The following FOXM1 variants were observed in gnomAD, a reference collection of about 807,000 sequenced individuals.
The protein encoded by FOXM1 is forkhead box protein M1.
FOXM1 carries 25 observed loss-of-function variants against 63.6 expected under a neutral mutation model. That is an observed-to-expected ratio of 0.39 (90% CI 0.29 to 0.55). FOXM1 has a LOEUF of 0.55. FOXM1 is among the 20% of genes least tolerant of loss of function. The probability of loss-of-function intolerance (pLI) is 0.60; values close to 1 mark genes in which losing one functional copy is unlikely to be tolerated. For synonymous variants in FOXM1, 387 were observed against 376.9 expected (o/e 1.03, Z -0.31); for missense variants, 879 against 958.7 (o/e 0.92, Z 1.10).
chr12:2,875,825 A>C (rs1018356546), intron 1 of FOXM1, among the ~76,000 whole-genome samples: 1 of 150,398 alleles, frequency 6.6e-6, no homozygotes, highest in African/African-American at 2.5e-5. Flanking sequence ...CAATGGCGCA[A>C]TCTCAGCTCA....
At chr12:2,862,199 G>C (rs1019178135) in intron 8 of FOXM1, among the ~76,000 whole-genome samples, 1 of 143,930 alleles carries the variant, frequency 6.9e-6, no homozygotes, top group Non-Finnish European at 1.5e-5. Context: ...AAAAAAAAAA[G>C]AGACATGTAG....
In FOXM1 at chr12:2,877,120, G is replaced by A. The variant is rs895958092; in HGVS notation, c.-248C>T. 1.3e-5 allele frequency: 2 copies of A among 152,150 alleles called. No individual in the cohort carries two copies. The highest frequency in any genetic ancestry group is 1.3e-4 in the Admixed American group (2 of 15,284). The allele number at this position is 152,150 out of a possible 1,614,324, so 9.4% of individuals were successfully genotyped here. ...CGGGCCGGGGCCGGGGGTGGGGTCT[G>A]GCACCGGAGCTTTCAGTTTGTTCCG... On this transcript the variant is annotated 5_prime_UTR_variant, in exon 1 of 9. Coordinates refer to ENST00000359843, the MANE Select transcript of FOXM1 (RefSeq NM_021953.4).
intron 8 of FOXM1, among the ~76,000 whole-genome samples, chr12:2,863,257 A>C (rs1186332633): frequency 6.6e-6 from 1 of 152,164 alleles, no homozygotes; most frequent in African/African-American, 2.4e-5. Flanking sequence ...GTCAACGTGA[A>C]TAGTACTTGA....
chr12:2,858,620 AGGGGCAAG>A lies in FOXM1; in HGVS notation c.*10_*17del. The A allele has an allele frequency of 6.2e-7, 1 of 1,605,176 alleles. No individual in the cohort carries two copies. The highest frequency in any genetic ancestry group is 2.2e-5 in the East Asian group (1 of 44,778). On this transcript the variant is annotated 3_prime_UTR_variant, in exon 9 of 9. Coordinates refer to ENST00000359843, the MANE Select transcript of FOXM1 (RefSeq NM_021953.4). ...CCGGGATGGTGGACAGCTTGAGCACAGGGGCAAGGGCAGGGCTCTACTGTAGCTCAGGA... is the reference window on the plus strand; with the variant it reads ...CCGGGATGGTGGACAGCTTGAGCACAGGCAGGGCTCTACTGTAGCTCAGGA...
rs754379620 is a variant in FOXM1 at position 2,858,960 on chromosome 12, A to C, written c.1970T>G (p.Met657Arg). The change falls in exon 9 of 9, where the codon ATG becomes AGG. Residue 657 changes from methionine (M) to arginine (R), a missense_variant. Met to Arg is a moderately conservative substitution (Grantham distance 91, BLOSUM62 -1). Transcript: ENST00000359843. ...TTGCAAGGGAGTGGTGCTGAGATCC[A>C]TCAGCCCCAGGGGGTCAGGCAAGGG... ...SDPLPDPLGLMDLSTTPLQSA... is the reference protein window; with the variant it reads ...SDPLPDPLGLRDLSTTPLQSA... The C allele has an allele frequency of 6.8e-6, 11 of 1,613,422 alleles. No individual in the cohort carries two copies. The highest frequency in any genetic ancestry group is 1.3e-5 in the African/African-American group (1 of 74,884).
Position 2,864,842 on chromosome 12 carries a change from G to T in FOXM1, c.1021-90C>A. On this transcript the variant is annotated intron_variant, in intron 6 of 8. Transcript: ENST00000359843. This position sits in a 1 kb window ranked among gnomAD's most constrained non-coding sequence, Gnocchi z 5.1. ...CAAAACCCCACCAGCTGCTCTGGTG[G>T]TGTGTGCTTGAGTTAATGACAGCCC... 1 of 1,412,062 alleles carries T rather than the reference G, an allele frequency of 7.1e-7. No homozygotes were observed. The highest frequency in any genetic ancestry group is 1.0e-6 in the Non-Finnish European group (1 of 998,252). 87.5% of individuals were successfully genotyped at this position (1,412,062 alleles called of 1,614,324 possible). A position where few individuals can be genotyped will look rare whatever the true frequency, so the allele number is the denominator to read the frequency against.
chr12:2,870,091 A>G lies in FOXM1; in HGVS notation c.655-1337T>C, dbSNP rs180920430. On this transcript the variant is annotated intron_variant, in intron 3 of 8. Transcript: ENST00000359843. ...CCGCAAGCTCTGCCTCCTGGGTTCAAGTGATTCTCCTGCCTCAGCCTCCCG... is the reference window on the plus strand; with the variant it reads ...CCGCAAGCTCTGCCTCCTGGGTTCAGGTGATTCTCCTGCCTCAGCCTCCCG... 2.6e-5 allele frequency among the ~76,000 whole-genome samples: 4 copies of G among 151,742 alleles called. No individual in the cohort carries two copies. The East Asian group carries it at 7.8e-4, about 30-fold the overall frequency.
chr12:2,869,193 T>G (rs1312085902), intron 3 of FOXM1, among the ~76,000 whole-genome samples: 1 of 152,208 alleles, frequency 6.6e-6, no homozygotes, highest in African/African-American at 2.4e-5. Context: ...GAGAGAAACA[T>G]TCTCAAGACT....
intron 4 of FOXM1, among the ~76,000 whole-genome samples, chr12:2,867,437 T>C (rs573722261): frequency 6.6e-6 from 1 of 152,008 alleles, no homozygotes; most frequent in Non-Finnish European, 1.5e-5. Flanking sequence ...TGAGACCCTG[T>C]CTCAAAAAAC....
At position 2,869,083 on chromosome 12, in the gene FOXM1, C is replaced by T. The variant is rs28990700; in HGVS notation, c.655-329G>A. Among the ~76,000 whole-genome samples the T allele has an allele frequency of 6.0e-3, 916 of 152,248 alleles. 4 individuals are homozygous for T. The highest frequency in any genetic ancestry group is 0.024 in the Middle Eastern group (7 of 294). On this transcript the variant is annotated intron_variant, in intron 3 of 8. Transcript: ENST00000359843. ...AAGCATTGATGTTACACTAAAACCA[C>T]GCCCGTTTTTCAGACTTTTGGGTCT...
rs141301985 is a variant in FOXM1, at chr12:2,874,463, G to C, written c.16C>G (p.Arg6Gly). Residue 6 changes from arginine (R) to glycine (G), a missense_variant, in exon 2 of 9, where the codon CGT becomes GGT. By Grantham distance (125) the Arg-to-Gly change is moderately radical. This residue lies in a region of FOXM1 where 255 missense variants were observed against 292.4 expected (regional missense o/e 0.87). Coordinates refer to ENST00000359843, the MANE Select transcript of FOXM1 (RefSeq NM_021953.4). The surrounding 1 kb of genome is among the most constrained non-coding windows in gnomAD (Gnocchi z 4.3). MKTSP[R>G]RPLILKRRRL... The stretch of plus-strand genomic sequence containing the variant: ...CGTCTTTTGAGAATCAGTGGCCGAC[G>C]GGGGCTAGTTTTCATTATGAATCTG... 2 of 1,609,116 alleles carry C rather than the reference G, an allele frequency of 1.2e-6. No homozygotes were observed. The highest frequency in any genetic ancestry group is 1.7e-6 in the Non-Finnish European group (2 of 1,177,934).
At chr12:2,868,014 A>G (rs906926547) in intron 4 of FOXM1, among the ~76,000 whole-genome samples, 2 of 150,756 alleles carry the variant, frequency 1.3e-5, no homozygotes, top group Non-Finnish European at 3.0e-5. Context: ...GAGTTCTACC[A>G]TGAGGAAAAC....
rs1413640687 is a variant in FOXM1, at chr12:2,874,040, C to A, written c.439G>T (p.Ala147Ser). 2 of 1,614,046 alleles carry A rather than the reference C, an allele frequency of 1.2e-6. No individual in the cohort carries two copies. The highest frequency in any genetic ancestry group is 1.3e-5 in the African/African-American group (1 of 74,920). ...GGTCTAGGAAGATTCACATCCCTAG[C>A]TGCAGGTTTTGGTCCCAAGGTCTCC... ...TLETLGPKPA[A>S]RDVNLPRPPG... is the part of the protein sequence containing the mutation. Residue 147 changes from alanine (A) to serine (S), a missense_variant, in exon 2 of 9, where the codon GCT (alanine) becomes TCT (serine). Ala to Ser is a moderately conservative substitution (Grantham distance 99). This residue lies in a region of FOXM1 where 255 missense variants were observed against 292.4 expected (regional missense o/e 0.87). Transcript: ENST00000359843. This position sits in a 1 kb window ranked among gnomAD's most constrained non-coding sequence, Gnocchi z 4.3.
intron 8 of FOXM1, among the ~76,000 whole-genome samples, chr12:2,862,692 G>C (rs2098116043): frequency 6.7e-6 from 1 of 150,190 alleles, no homozygotes; most frequent in Admixed American, 6.7e-5. Flanking sequence ...GAAAATGCCT[G>C]GCTAATTAAA....
chr12:2,861,163 GTC>G, intron 8 of FOXM1: 1 of 517,060 alleles, frequency 1.9e-6, no homozygotes, highest in Non-Finnish European at 3.3e-6. Flanking sequence ...GCAAGACTCC[GTC>G]TCAAAAAAAA....
Position 2,858,962 on chromosome 12 carries a change from C to T in FOXM1, c.1968G>A (p.Leu656=). ...GCAAGGGAGTGGTGCTGAGATCCAT[C>T]AGCCCCAGGGGGTCAGGCAAGGGGT... is the stretch of plus-strand genomic sequence containing the variant. ...ASDPLPDPLG[L]MDLSTTPLQS... The change falls in exon 9 of 9, where the codon CTG becomes CTA. Residue 656 remains leucine (L), a synonymous_variant. Transcript: ENST00000359843. 1.9e-6 allele frequency: 3 copies of T among 1,613,552 alleles called. No individual in the cohort carries two copies. The highest frequency in any genetic ancestry group is 2.5e-6 in the Non-Finnish European group (3 of 1,179,934).
Position 2,864,612 on chromosome 12 carries a change from CAGAGTCTGGTTCCCTAA to C in FOXM1, c.1090+54_1090+70del. The C allele has an allele frequency of 6.3e-7, 1 of 1,591,184 alleles. No individual in the cohort carries two copies. The highest frequency in any genetic ancestry group is 1.1e-5 in the South Asian group (1 of 90,566). On this transcript the variant is annotated intron_variant, in intron 7 of 8. Coordinates refer to ENST00000359843, the MANE Select transcript of FOXM1 (RefSeq NM_021953.4). This position sits in a 1 kb window ranked among gnomAD's most constrained non-coding sequence, Gnocchi z 5.1. ...TCCCTTTGAGGTGGGAACAGAATCCCAGAGTCTGGTTCCCTAAAGATATGGCCCCAGAACAAGGACCA... is the reference window on the plus strand; with the variant it reads ...TCCCTTTGAGGTGGGAACAGAATCCCAGATATGGCCCCAGAACAAGGACCA...
chr12:2,874,309 T>C lies in FOXM1; in HGVS notation c.170A>G (p.Lys57Arg). 6.2e-7 allele frequency: 1 copy of C among 1,614,140 alleles called. No homozygotes were observed. Among genetic ancestry groups the C allele is most frequent in the South Asian group, 1.1e-5 (1 of 91,078 alleles). Residue 57 changes from lysine to arginine, a missense_variant, in exon 2 of 9, where the codon AAG (lysine) becomes AGG (arginine). By Grantham distance (26) the Lys-to-Arg change is conservative (BLOSUM62 2). Coordinates refer to ENST00000359843, the MANE Select transcript of FOXM1 (RefSeq NM_021953.4). The surrounding 1 kb of genome is among the most constrained non-coding windows in gnomAD (Gnocchi z 4.3). Reference protein sequence around the residue: ...SKEVAESNSCKFPAGIKIINH... With the variant: ...SKEVAESNSCRFPAGIKIINH... ...AATAATCTTGATCCCAGCTGGAAAC[T>C]TGCAAGAGTTGGACTCTGCCACTTC... is the stretch of plus-strand genomic sequence containing the variant.
chr12:2,858,784 G>A lies in FOXM1; in HGVS notation c.2146C>T (p.Arg716Cys), dbSNP rs138164446. The A allele has an allele frequency of 4.6e-5, 74 of 1,614,102 alleles. No individual in the cohort carries two copies. Among genetic ancestry groups the A allele is most frequent in the Middle Eastern group, 1.6e-4 (1 of 6,084 alleles). The change falls in exon 9 of 9, where the codon CGT becomes TGT. Residue 716 changes from arginine to cysteine, a missense_variant. Coordinates refer to ENST00000359843, the MANE Select transcript of FOXM1 (RefSeq NM_021953.4). ...AGGACCAGGCCTTCTGTCAGAGAAC[G>A]ATTGGCTGCAAGGCCAGAAACCTGT... ...EPQVSGLAAN[R>C]SLTEGLVLDT...
Sources: allele counts gnomAD v4.1 joint callset (sites outside exome capture counted in the v4.1 genomes callset), GRCh38; gene constraint gnomAD v4.1.1; regional missense constraint gnomAD v4.1.1; non-coding constraint Gnocchi (gnomAD v3.1); transcripts MANE v1.5; gene names NCBI Gene and HGNC (gene_info 2026-07-23, HGNC 2026-07-21).